PGBD5: variants seen among roughly 807,000 people sequenced by gnomAD.
PGBD5 encodes piggyBac transposable element derived 5, also known as piggyBac transposable element-derived protein 5.
Under a neutral mutation model 47.9 loss-of-function variants are expected in PGBD5, and 14 were observed. The observed-to-expected ratio is 0.29, with a 90% CI of 0.19 to 0.46. The LOEUF (loss-of-function observed/expected upper bound fraction) is 0.46, where lower values mean the gene tolerates loss of function less well. Among genes scored for constraint, PGBD5 ranks in the 20% least tolerant of loss-of-function variants. The pLI is 1.00. For synonymous variants in PGBD5, 316 were observed against 306.3 expected, an observed-to-expected ratio of 1.03 and a Z score of -0.33; for missense variants, 635 against 716.0, an observed-to-expected ratio of 0.89 and a Z score of 1.29.
chr1:230,321,266 C>G lies in PGBD5; in HGVS notation c.*2159G>C, dbSNP rs1267004552. 6.6e-6 allele frequency: 1 copy of G among 152,176 alleles called. No individual in the cohort carries two copies. Among genetic ancestry groups the G allele is most frequent in the Non-Finnish European group, 1.5e-5 (1 of 68,030 alleles). 9.4% of individuals were successfully genotyped at this position (152,176 alleles called of 1,614,324 possible). A position where few individuals can be genotyped will look rare whatever the true frequency, so the allele number is the denominator to read the frequency against. On this transcript the variant is annotated 3_prime_UTR_variant, in exon 7 of 7. Transcript: ENST00000391860. Reference sequence around the variant, plus strand: ...GCTCAGTGGTTTGAGACACCAAGAACAGTTAATATCATACACACCAGATTA... The same window carrying G: ...GCTCAGTGGTTTGAGACACCAAGAAGAGTTAATATCATACACACCAGATTA...
intron 1 of PGBD5, among the ~76,000 whole-genome samples, chr1:230,391,903 C>T (rs566008558): frequency 1.2e-4 from 18 of 152,318 alleles, no homozygotes; most frequent in Admixed American, 9.2e-4. Flanking sequence ...CCCGAGCCTA[C>T]GCCAGAGAAC....
At chr1:230,327,260 G>T (rs1571822436) in intron 5 of PGBD5, among the ~76,000 whole-genome samples, 1 of 151,852 alleles carries the variant, frequency 6.6e-6, no homozygotes, top group East Asian at 1.9e-4. Context: ...TGAAATTTCA[G>T]CAATACTTAA....
intron 2 of PGBD5, among the ~76,000 whole-genome samples, chr1:230,356,249 T>TC (rs1167467075): frequency 1.3e-5 from 2 of 152,044 alleles, no homozygotes; most frequent in Non-Finnish European, 2.9e-5. Context: ...GAGTTCTATC[T>TC]CCCCAGGGCC....
intron 1 of PGBD5, among the ~76,000 whole-genome samples, chr1:230,366,649 G>A (rs930263037): frequency 6.6e-6 from 1 of 152,152 alleles, no homozygotes; most frequent in Admixed American, 6.5e-5. Context: ...ACCTCTTTCA[G>A]CCTTGGTCTC....
chr1:230,370,272 T>C (rs750879241), intron 1 of PGBD5, among the ~76,000 whole-genome samples: 42 of 152,150 alleles, frequency 2.8e-4, no homozygotes, highest in Middle Eastern at 3.4e-3. Context: ...CTCTTCACAT[T>C]CCCCATGGAA....
At chr1:230,363,183 C>T (rs558596489) in intron 1 of PGBD5, among the ~76,000 whole-genome samples, 1 of 152,338 alleles carries the variant, frequency 6.6e-6, no homozygotes, top group East Asian at 1.9e-4. Context: ...CTTAGCGATG[C>T]AGGTCCTGGG....
rs1051946603 is a variant in PGBD5, at chr1:230,411,910, A to C, written c.331+13688T>G. Among the ~76,000 whole-genome samples the C allele has an allele frequency of 3.3e-5, 5 of 152,366 alleles. No homozygotes were observed. In the East Asian group the frequency reaches 9.6e-4, roughly 29 times the overall value. On this transcript the variant is annotated intron_variant, in intron 1 of 6. Coordinates refer to ENST00000391860, the MANE Select transcript of PGBD5 (RefSeq NM_001258311.2). ...AAAAGGCATTTAATAAAAGTTTTTAAAAATGAAGTAAAATAGAAGATATTC... is the reference window on the plus strand; with the variant it reads ...AAAAGGCATTTAATAAAAGTTTTTACAAATGAAGTAAAATAGAAGATATTC...
intron 1 of PGBD5, among the ~76,000 whole-genome samples, chr1:230,400,666 GAAATGTT>G (rs113844676): frequency 5.3e-5 from 7 of 131,576 alleles, no homozygotes; most frequent in Non-Finnish European, 7.7e-5. Context: ...TTCTTTCTTA[GAAATGTT>G]AAATGTTAAA....
intron 1 of PGBD5, among the ~76,000 whole-genome samples, chr1:230,388,750 G>T (rs1656713758): frequency 6.6e-6 from 1 of 152,328 alleles, no homozygotes; most frequent in South Asian, 2.1e-4. Flanking sequence ...AGAATGAACT[G>T]CAGAGAGGGT....
intron 3 of PGBD5, among the ~76,000 whole-genome samples, chr1:230,350,527 C>T (rs1667544956): frequency 6.6e-6 from 1 of 152,206 alleles, no homozygotes; most frequent in African/African-American, 2.4e-5. Context: ...GGGCAGATAC[C>T]TGGTGGGAGT....
At chr1:230,395,458 CCT>C (rs1380563902) in intron 1 of PGBD5, among the ~76,000 whole-genome samples, 1 of 25,856 alleles carries the variant, frequency 3.9e-5, no homozygotes, top group Non-Finnish European at 7.3e-5. Context: ...TCCCTGAGCT[CCT>C]CTCTCACTCC....
intron 1 of PGBD5, among the ~76,000 whole-genome samples, chr1:230,372,254 T>C (rs140011242): frequency 7.2e-5 from 11 of 152,354 alleles, no homozygotes; most frequent in African/African-American, 2.4e-4. Flanking sequence ...TAGAGTGCAC[T>C]GTGAGCCTGT....
At chr1:230,361,990 G>A (rs1027389037) in intron 1 of PGBD5, among the ~76,000 whole-genome samples, 4 of 152,254 alleles carry the variant, frequency 2.6e-5, no homozygotes, top group African/African-American at 9.6e-5. Flanking sequence ...CAAAGGTCCT[G>A]TGGCCAGACA....
intron 1 of PGBD5, among the ~76,000 whole-genome samples, chr1:230,409,627 A>T (rs1657372690): frequency 1.3e-5 from 2 of 152,252 alleles, no homozygotes; most frequent in Admixed American, 1.3e-4. Context: ...TTCCATGTAT[A>T]TGAAATGTCT....
At chr1:230,375,020 T>G (rs1162744433) in intron 1 of PGBD5, among the ~76,000 whole-genome samples, 1 of 152,204 alleles carries the variant, frequency 6.6e-6, no homozygotes, top group Non-Finnish European at 1.5e-5. Context: ...AATCTCTTCA[T>G]ACGTTTCCAA....
chr1:230,411,870 T>C (rs1197748934), intron 1 of PGBD5, among the ~76,000 whole-genome samples: 2 of 152,094 alleles, frequency 1.3e-5, no homozygotes, highest in Admixed American at 6.5e-5. Flanking sequence ...ATAGGAATAA[T>C]AGCAACAAAT....
chr1:230,385,276 G>C (rs766188321), intron 1 of PGBD5, among the ~76,000 whole-genome samples: 1 of 152,144 alleles, frequency 6.6e-6, no homozygotes, highest in Non-Finnish European at 1.5e-5. Flanking sequence ...GTAATTACAA[G>C]GTTTCCTTCC....
At chr1:230,398,159 T>TG (rs1657046513) in intron 1 of PGBD5, among the ~76,000 whole-genome samples, 1 of 152,258 alleles carries the variant, frequency 6.6e-6, no homozygotes, top group Admixed American at 6.5e-5. Context: ...TGCCTTGCTT[T>TG]CCTGTCTAGC....
intron 1 of PGBD5, among the ~76,000 whole-genome samples, chr1:230,397,136 C>A (rs1657007342): frequency 6.6e-6 from 1 of 152,218 alleles, no homozygotes; most frequent in African/African-American, 2.4e-5. Flanking sequence ...CCATTGCCCA[C>A]CCGCACACGC....
Sources: gnomAD v4.1 joint callset for allele counts (sites outside exome capture counted in the v4.1 genomes callset) on GRCh38, gnomAD v4.1.1 for gene constraint, MANE v1.5 for transcripts, NCBI Gene and HGNC (gene_info 2026-07-23, HGNC 2026-07-21) for gene names.